POLK: variants seen among roughly 807,000 people sequenced by gnomAD.
POLK encodes the protein polymerase (DNA directed) kappa.
Under a neutral mutation model 94.0 loss-of-function variants are expected in POLK, and 76 were observed. That is an observed-to-expected ratio of 0.81 (90% CI 0.67 to 0.98). The LOEUF (loss-of-function observed/expected upper bound fraction) is 0.98, where lower values mean the gene tolerates loss of function less well. POLK is among the 50% of genes least tolerant of loss of function. The pLI, the probability that POLK is intolerant of heterozygous loss-of-function variation, is 0.00. For missense variants in POLK, 954 were observed against 1,010.1 expected (o/e 0.94, Z 0.75); for synonymous variants, 349 against 325.4 (o/e 1.07, Z -0.78).
At chr5:75,532,533 G>A (rs1489435186) in intron 1 of POLK, among the ~76,000 whole-genome samples, 1 of 151,804 alleles carries the variant, frequency 6.6e-6, no homozygotes, top group African/African-American at 2.4e-5. Context: ...TGTGAATAGC[G>A]CTGCAATGAA....
chr5:75,533,772 T>C (rs1327393677), intron 1 of POLK, among the ~76,000 whole-genome samples: 4 of 152,360 alleles, frequency 2.6e-5, no homozygotes, highest in Non-Finnish European at 5.9e-5. Context: ...CTTTGAGCAG[T>C]GTTTTTTAAT....
chr5:75,604,478 G>A (rs1202222218), downstream of POLK, among the ~76,000 whole-genome samples: 1 of 152,198 alleles, frequency 6.6e-6, no homozygotes, highest in African/African-American at 2.4e-5. Flanking sequence ...TTGGGATCAA[G>A]ATCCTCTCAT....
chr5:75,576,433 G>A (rs934521467), intron 5 of POLK, among the ~76,000 whole-genome samples: 4 of 151,948 alleles, frequency 2.6e-5, no homozygotes, highest in Non-Finnish European at 4.4e-5. Context: ...AGCTTCTGAC[G>A]AGCTACCTAA....
intron 6 of POLK, among the ~76,000 whole-genome samples, chr5:75,578,634 CT>C (rs1772038147): frequency 1.3e-5 from 2 of 152,278 alleles, no homozygotes; most frequent in South Asian, 4.1e-4. Context: ...GTGGGCTGGA[CT>C]TTCAGGCGTG....
At chr5:75,603,721 T>C (rs907371241), downstream of POLK, among the ~76,000 whole-genome samples, 1 of 152,212 alleles carries the variant, frequency 6.6e-6, no homozygotes, top group African/African-American at 2.4e-5. Context: ...TTCTCCTTTC[T>C]GGCATCTGTG....
chr5:75,511,213 C>G (rs1767969292), upstream of POLK: 4 of 1,612,732 alleles, frequency 2.5e-6, no homozygotes, highest in Non-Finnish European at 2.5e-6. Flanking sequence ...GACATGGAGG[C>G]TCGACAACCG....
intron 1 of POLK, among the ~76,000 whole-genome samples, chr5:75,543,272 T>A (rs898905309): frequency 2.8e-5 from 4 of 145,416 alleles, no homozygotes; most frequent in African/African-American, 1.0e-4. Context: ...ACTCCTGATT[T>A]CAGGTGATCC....
At chr5:75,525,496 A>AAAC (rs966236829) in intron 1 of POLK, among the ~76,000 whole-genome samples, 3 of 152,148 alleles carry the variant, frequency 2.0e-5, no homozygotes, top group African/African-American at 7.2e-5. Flanking sequence ...AAAAAATTAA[A>AAAC]AACAACAACA....
In POLK at chr5:75,583,436, GT is replaced by G; in HGVS notation, c.1059+22del. Reference sequence around the variant, plus strand: ...TAGAAAGGTAAGATTTTTACATAAAGTTTATTTATATATGTACTCTGAATTC... The same window carrying G: ...TAGAAAGGTAAGATTTTTACATAAAGTTATTTATATATGTACTCTGAATTC... On this transcript the variant is annotated intron_variant, in intron 8 of 14. Coordinates refer to ENST00000241436, the Ensembl canonical transcript of POLK. 1.3e-6 allele frequency: 2 copies of G among 1,512,838 alleles called. No homozygotes were observed. The highest frequency in any genetic ancestry group is 1.8e-6 in the Non-Finnish European group (2 of 1,094,346). 93.7% of individuals were successfully genotyped at this position (1,512,838 alleles called of 1,614,324 possible).
At chr5:75,550,788 G>A (rs5744598) in intron 2 of POLK, among the ~76,000 whole-genome samples, 33,823 of 151,946 alleles carry the variant, frequency 0.22, 3,908 homozygotes, top group South Asian at 0.4. Flanking sequence ...CTATAAAAAA[G>A]CCTACAGTGT....
chr5:75,553,733 A>G (rs1183462390), intron 3 of POLK, among the ~76,000 whole-genome samples: 2 of 152,190 alleles, frequency 1.3e-5, no homozygotes, highest in South Asian at 2.1e-4. Flanking sequence ...TTTCAACATG[A>G]AAGTATTGAT....
intron 3 of POLK, among the ~76,000 whole-genome samples, chr5:75,566,711 C>T (rs565328831): frequency 6.6e-6 from 1 of 152,328 alleles, no homozygotes; most frequent in South Asian, 2.1e-4. Flanking sequence ...ACTTTCTAAT[C>T]AGTCCCAGTG....
chr5:75,598,079 T>C, exon 15 of POLK: 1 of 676,154 alleles, frequency 1.5e-6, no homozygotes, highest in East Asian at 3.2e-5. Flanking sequence ...TCAATGAATT[T>C]GTTCTTTCTG....
At chr5:75,566,266 G>A (rs1182118027) in intron 3 of POLK, among the ~76,000 whole-genome samples, 4 of 152,320 alleles carry the variant, frequency 2.6e-5, no homozygotes, top group South Asian at 4.1e-4. Context: ...TGCCAGCAGC[G>A]AGAATTTCAA....
At chr5:75,580,956 A>C (rs935134904) in intron 6 of POLK, among the ~76,000 whole-genome samples, 1 of 151,712 alleles carries the variant, frequency 6.6e-6, no homozygotes, top group Non-Finnish European at 1.5e-5. Context: ...TGAGTTTTAC[A>C]TAAGATATTT....
At chr5:75,552,591 G>A (rs1036427726) in exon 3 of POLK, 3 of 1,597,104 alleles carry the variant, frequency 1.9e-6, no homozygotes, top group East Asian at 4.5e-5. Flanking sequence ...CACAATTACA[G>A]GTATTAATTA....
At chr5:75,604,226 C>T (rs1238423118), downstream of POLK, among the ~76,000 whole-genome samples, 1 of 151,990 alleles carries the variant, frequency 6.6e-6, no homozygotes, top group African/African-American at 2.4e-5. Flanking sequence ...TAATGGCTTG[C>T]TTTATACATG....
intron 8 of POLK, among the ~76,000 whole-genome samples, chr5:75,584,120 T>C (rs536613792): frequency 1.3e-5 from 2 of 152,332 alleles, no homozygotes; most frequent in South Asian, 2.1e-4. Context: ...TGGATAGATA[T>C]TCCCTTTAAA....
At chr5:75,596,802 A>C (rs1312182964) in exon 13 of POLK, 6 of 1,611,772 alleles carry the variant, frequency 3.7e-6, no homozygotes. Flanking sequence ...GTATAGCTTT[A>C]GTAGATACTA....
Sources: allele counts gnomAD v4.1 joint callset (sites outside exome capture counted in the v4.1 genomes callset), GRCh38; gene constraint gnomAD v4.1.1; transcripts MANE v1.5; gene names NCBI Gene and HGNC (gene_info 2026-07-23, HGNC 2026-07-21).